The following SPIRE1 variants were observed in gnomAD, a reference collection of about 807,000 sequenced individuals.
SPIRE1 encodes protein spire homolog 1.
In SPIRE1, 40 loss-of-function variants were observed where a neutral mutation model predicts 94.1. That is an observed-to-expected ratio of 0.43 (90% confidence interval 0.33 to 0.55). SPIRE1 has a LOEUF of 0.55. Ranked by LOEUF, SPIRE1 falls within the 20% of genes least tolerant of loss-of-function variation. SPIRE1 has a pLI of 0.06. For missense variants in SPIRE1, 838 were observed against 975.2 expected, an observed-to-expected ratio of 0.86 and a Z score of 1.87; for synonymous variants, 376 against 371.7, an observed-to-expected ratio of 1.01 and a Z score of -0.13.
At position 12,529,666 on chromosome 18, in the gene SPIRE1, T is replaced by G. The variant is rs147033598; in HGVS notation, c.729+5810A>C. On this transcript the variant is annotated intron_variant, in intron 4 of 16. Transcript: ENST00000409402. ...GATGAGTTAACTGTATTAGACATCT[T>G]ATCTCTCAAAGATCAAAATGTTTGA... Among the ~76,000 whole-genome samples the G allele has an allele frequency of 2.7e-4, 41 of 152,360 alleles. No individual in the cohort carries two copies. In the East Asian group the frequency reaches 6.7e-3, roughly 25 times the overall value.
intron 2 of SPIRE1, among the ~76,000 whole-genome samples, chr18:12,605,898 C>A (rs73407546): frequency 6.6e-6 from 1 of 152,112 alleles, no homozygotes; most frequent in African/African-American, 2.4e-5. Context: ...TGGCCTCCCT[C>A]GTTCACCGCC....
At chr18:12,522,983 G>T (rs905117972) in intron 4 of SPIRE1, among the ~76,000 whole-genome samples, 2 of 152,170 alleles carry the variant, frequency 1.3e-5, no homozygotes, top group African/African-American at 4.8e-5. Flanking sequence ...ACTACATTTT[G>T]TAAGGCTATA....
intron 3 of SPIRE1, among the ~76,000 whole-genome samples, chr18:12,544,966 C>T (rs1012977195): frequency 1.3e-5 from 2 of 152,050 alleles, no homozygotes; most frequent in Admixed American, 6.6e-5. Flanking sequence ...TTCACCACTC[C>T]TTATGTATAC....
At chr18:12,641,111 G>A (rs996236392) in intron 1 of SPIRE1, among the ~76,000 whole-genome samples, 2 of 152,098 alleles carry the variant, frequency 1.3e-5, no homozygotes, top group Non-Finnish European at 2.9e-5. Flanking sequence ...AACAGGATTT[G>A]TTAATGGATT....
chr18:12,638,435 C>T (rs984160298), intron 1 of SPIRE1, among the ~76,000 whole-genome samples: 5 of 152,112 alleles, frequency 3.3e-5, no homozygotes, highest in African/African-American at 1.2e-4. Context: ...CAGAACAAGG[C>T]CTTGCCTCAG....
Position 12,447,337 on chromosome 18 carries a change from A to T in SPIRE1, c.*2301T>A, listed in dbSNP as rs1034886443. ...AGAACTGGAAGCTATGCCTAAAGTC[A>T]GACCAGGCTAAGGATTTTAAAACCA... On this transcript the variant is annotated 3_prime_UTR_variant, in exon 17 of 17. Transcript: ENST00000409402. 6.6e-6 allele frequency: 1 copy of T among 152,210 alleles called. No individual in the cohort carries two copies. Among genetic ancestry groups the T allele is most frequent in the African/African-American group, 2.4e-5 (1 of 41,438 alleles). The allele number at this position is 152,210 out of a possible 1,614,324, so 9.4% of individuals were successfully genotyped here.
chr18:12,564,094 A>C (rs942951069), intron 2 of SPIRE1, among the ~76,000 whole-genome samples: 9 of 152,224 alleles, frequency 5.9e-5, no homozygotes, highest in Non-Finnish European at 1.2e-4. Flanking sequence ...GGTTAGAACT[A>C]GCCAAGTTCA....
At chr18:12,465,169 C>T (rs76802264) in intron 10 of SPIRE1, among the ~76,000 whole-genome samples, 3,838 of 152,046 alleles carry the variant, frequency 0.025, 166 homozygotes, top group African/African-American at 0.087. Flanking sequence ...TGATGTGAAA[C>T]TGAGCATGCT....
intron 1 of SPIRE1, among the ~76,000 whole-genome samples, chr18:12,657,285 C>G (rs1276000750): frequency 6.6e-6 from 1 of 151,580 alleles, no homozygotes; most frequent in African/African-American, 2.4e-5. Context: ...CAGGCCCACC[C>G]AAACGTCCTC....
chr18:12,657,585 G>A lies in SPIRE1; in HGVS notation c.282C>T (p.Gly94=). Residue 94 remains glycine, a synonymous_variant, in exon 1 of 17, where the codon GGC becomes GGT. Coordinates refer to ENST00000409402, the MANE Select transcript of SPIRE1 (RefSeq NM_001128626.2). ...SAAQIRVWRD[G]AVTLAPAADD... is the part of the protein sequence containing the mutation. ...CGGCCGCGGGCGCCAGGGTGACGGCGCCGTCCCTCCAGACGCGGATCTGCG... is the reference window on the plus strand; with the variant it reads ...CGGCCGCGGGCGCCAGGGTGACGGCACCGTCCCTCCAGACGCGGATCTGCG... The A allele has an allele frequency of 8.0e-7, 1 of 1,245,714 alleles. No homozygotes were observed. The highest frequency in any genetic ancestry group is 1.0e-6 in the Non-Finnish European group (1 of 996,274). The allele number at this position is 1,245,714 out of a possible 1,614,324, so 77.2% of individuals were successfully genotyped here. A position where few individuals can be genotyped will look rare whatever the true frequency, so the allele number is the denominator to read the frequency against.
At chr18:12,467,552 G>T (rs1406668689) in intron 10 of SPIRE1, among the ~76,000 whole-genome samples, 1 of 152,196 alleles carries the variant, frequency 6.6e-6, no homozygotes. Context: ...ATCTGCTGAG[G>T]AGTCATACAC....
intron 2 of SPIRE1, among the ~76,000 whole-genome samples, chr18:12,569,635 A>C (rs112662180): frequency 1.3e-5 from 1 of 74,836 alleles, no homozygotes; most frequent in African/African-American, 3.6e-5. Flanking sequence ...AACAACAACA[A>C]CAAAAAAAAA....
chr18:12,477,299 C>A (rs779393689), intron 10 of SPIRE1, among the ~76,000 whole-genome samples: 1 of 152,058 alleles, frequency 6.6e-6, no homozygotes, highest in African/African-American at 2.4e-5. Flanking sequence ...TCTGTGTAGC[C>A]GTGGTCACAG....
At chr18:12,517,220 T>A (rs528610030) in intron 4 of SPIRE1, among the ~76,000 whole-genome samples, 8 of 152,354 alleles carry the variant, frequency 5.3e-5, no homozygotes, top group Non-Finnish European at 5.9e-5. Flanking sequence ...ATTATGTCAA[T>A]GAATACCTAT....
intron 2 of SPIRE1, among the ~76,000 whole-genome samples, chr18:12,615,968 A>C (rs1598535560): frequency 6.6e-6 from 1 of 152,322 alleles, no homozygotes; most frequent in East Asian, 1.9e-4. Flanking sequence ...TCAATCTTCC[A>C]TTCTTCAAAT....
chr18:12,644,970 T>G (rs2038183782), intron 1 of SPIRE1, among the ~76,000 whole-genome samples: 1 of 152,090 alleles, frequency 6.6e-6, no homozygotes, highest in Non-Finnish European at 1.5e-5. Flanking sequence ...CCGGGCACCA[T>G]GGCTCACACA....
chr18:12,511,256 G>A (rs1444793173), intron 5 of SPIRE1, among the ~76,000 whole-genome samples: 11 of 152,210 alleles, frequency 7.2e-5, no homozygotes, highest in Non-Finnish European at 1.3e-4. Context: ...TCTGTGGCCT[G>A]TTAGGAAGTG....
intron 2 of SPIRE1, among the ~76,000 whole-genome samples, chr18:12,551,151 T>C (rs948586446): frequency 6.6e-6 from 1 of 152,208 alleles, no homozygotes; most frequent in Non-Finnish European, 1.5e-5. Flanking sequence ...ATAATGTTTG[T>C]TTATTGTCTA....
chr18:12,621,408 A>G (rs1478447907), intron 2 of SPIRE1, among the ~76,000 whole-genome samples: 1 of 152,222 alleles, frequency 6.6e-6, no homozygotes, highest in Non-Finnish European at 1.5e-5. Context: ...TGTCCACACA[A>G]AAATTTGTAC....
Sources: allele counts gnomAD v4.1 joint callset (sites outside exome capture counted in the v4.1 genomes callset), GRCh38; gene constraint gnomAD v4.1.1; transcripts MANE v1.5; gene names NCBI Gene and HGNC (gene_info 2026-07-23, HGNC 2026-07-21).